ZMYM6: variants seen among roughly 807,000 people sequenced by gnomAD.
The protein encoded by ZMYM6 is zinc finger MYM-type protein 6.
ZMYM6 carries 90 observed loss-of-function variants against 134.0 expected under a neutral mutation model. The ratio of observed to expected loss-of-function variants is 0.67; its 90% CI spans 0.57 to 0.80. ZMYM6 has a LOEUF of 0.80. Ranked by LOEUF, ZMYM6 falls within the 30% of genes least tolerant of loss-of-function variation. The probability of loss-of-function intolerance (pLI) is 0.00; values close to 1 mark genes in which losing one functional copy is unlikely to be tolerated. For synonymous variants in ZMYM6, 481 were observed against 524.1 expected (o/e 0.92, Z 1.12); for missense variants, 1,362 against 1,533.9 (o/e 0.89, Z 1.87).
chr1:35,009,224 G>A (rs937851688), intron 10 of ZMYM6, among the ~76,000 whole-genome samples: 13 of 152,102 alleles, frequency 8.5e-5, no homozygotes, highest in African/African-American at 2.9e-4. Flanking sequence ...TCAGCCTCCT[G>A]AGTAGAGCAG....
Position 35,019,244 on chromosome 1 carries a change from T to G in ZMYM6, c.428+109A>C, listed in dbSNP as rs1016677073. On this transcript the variant is annotated intron_variant, in intron 4 of 15. Transcript: ENST00000357182. ...TTCTTCCATTAACTAAAAAGTTATT[T>G]CTACAGATACATGCTGAAGAGATTT... The G allele has an allele frequency of 2.7e-6, 4 of 1,468,732 alleles. No homozygotes were observed. In the African/African-American group the frequency reaches 5.7e-5, roughly 21 times the overall value. 91.0% of individuals were successfully genotyped at this position (1,468,732 alleles called of 1,614,324 possible).
chr1:34,998,647 G>C (rs984852132), intron 14 of ZMYM6, among the ~76,000 whole-genome samples: 3 of 152,216 alleles, frequency 2.0e-5, no homozygotes, highest in African/African-American at 4.8e-5. Context: ...TCACTGAAGA[G>C]AAGTCTGGAG....
chr1:35,009,820 C>T (rs1010674207), intron 10 of ZMYM6, among the ~76,000 whole-genome samples: 41 of 152,122 alleles, frequency 2.7e-4, no homozygotes, highest in African/African-American at 9.6e-4. Flanking sequence ...CCTGTAGCTT[C>T]AGCTACTTGG....
chr1:35,025,065 T>C (rs973846447), intron 2 of ZMYM6, among the ~76,000 whole-genome samples: 1 of 150,556 alleles, frequency 6.6e-6, no homozygotes. Context: ...GAGTTGTGGT[T>C]TCACCGTGTT....
chr1:34,992,667 T>TATAAAAATATATTTATAAACTATAAAA lies in ZMYM6; in HGVS notation c.1993-281_1993-280insTTTTATAGTTTATAAATATATTTTTAT, dbSNP rs1640699710. 2.1e-5 allele frequency among the ~76,000 whole-genome samples: 3 copies of TATAAAAATATATTTATAAACTATAAAA among 146,080 alleles called. No homozygotes were observed. In the South Asian group the frequency reaches 6.6e-4, roughly 32 times the overall value. On this transcript the variant is annotated intron_variant, in intron 14 of 15. Coordinates refer to ENST00000357182, the MANE Select transcript of ZMYM6 (RefSeq NM_007167.4). Reference sequence around the variant, plus strand: ...TAAAAATATATTTATAAACTATAAATATAAAAATATATTTGTAAATATAAA... The same window carrying TATAAAAATATATTTATAAACTATAAAA: ...TAAAAATATATTTATAAACTATAAATATAAAAATATATTTATAAACTATAAAAATAAAAATATATTTGTAAATATAAA...
At chr1:35,011,493 G>A (rs977519657) in intron 8 of ZMYM6, among the ~76,000 whole-genome samples, 2 of 152,186 alleles carry the variant, frequency 1.3e-5, no homozygotes, top group Non-Finnish European at 2.9e-5. Context: ...TGGGACAAGT[G>A]GATGCTTACA....
chr1:34,992,952 C>G (rs1230273542), intron 14 of ZMYM6, among the ~76,000 whole-genome samples: 1 of 148,734 alleles, frequency 6.7e-6, no homozygotes, highest in African/African-American at 2.4e-5. Context: ...AATTGTTAAT[C>G]TTGCTGATTA....
intron 15 of ZMYM6, 58 bp from the exon 16 acceptor site, chr1:34,988,993 T>G (rs773236281): frequency 9.8e-5 from 153 of 1,563,734 alleles, no homozygotes; most frequent in Middle Eastern, 9.2e-4. Context: ...ATGTTCTTTA[T>G]GTATCTCCCC....
rs145649713 is a variant in ZMYM6 at position 35,003,105 on chromosome 1, C to T, written c.1992+863G>A. On this transcript the variant is annotated intron_variant, in intron 14 of 15. Transcript: ENST00000357182. Reference sequence around the variant, plus strand: ...AGCTGAGGTAGGGGACTGCTTGAGCCCAGAATTTCGAGGTTGAGTGAGCTA... The same window carrying T: ...AGCTGAGGTAGGGGACTGCTTGAGCTCAGAATTTCGAGGTTGAGTGAGCTA... Among the ~76,000 whole-genome samples the T allele has an allele frequency of 3.1e-3, 464 of 150,906 alleles. 4 individuals carry two copies. Among genetic ancestry groups the T allele is most frequent in the African/African-American group, 0.011 (433 of 41,020 alleles).
intron 4 of ZMYM6, chr1:35,017,711 G>A (rs1259547268): frequency 6.6e-6 from 1 of 151,814 alleles, no homozygotes; most frequent in East Asian, 1.9e-4. Flanking sequence ...AATTTAATTA[G>A]CTAATATATT....
intron 11 of ZMYM6, among the ~76,000 whole-genome samples, chr1:35,008,129 T>G (rs990312785): frequency 6.6e-6 from 1 of 152,188 alleles, no homozygotes; most frequent in Admixed American, 6.5e-5. Flanking sequence ...CAGAGTGTTA[T>G]AGATGCTGTC....
chr1:34,994,478 C>T (rs1483392901), intron 14 of ZMYM6, among the ~76,000 whole-genome samples: 4 of 152,002 alleles, frequency 2.6e-5, no homozygotes, highest in African/African-American at 9.7e-5. Context: ...GCTTTAGGAA[C>T]ATCAACAAGA....
Position 35,023,387 on chromosome 1 carries a change from G to A in ZMYM6, c.94-2920C>T, listed in dbSNP as rs145891287. ...CTCCCAGAGTGCTGGGAGTACAGGC[G>A]TGAGCCACTGCACCTGGCCAAAATG... On this transcript the variant is annotated intron_variant, in intron 2 of 15. Transcript: ENST00000357182. Among the ~76,000 whole-genome samples the A allele has an allele frequency of 3.5e-3, 536 of 152,164 alleles. 6 individuals carry two copies. Among genetic ancestry groups the A allele is most frequent in the African/African-American group, 0.012 (484 of 41,510 alleles).
chr1:35,010,817 G>T lies in ZMYM6; in HGVS notation c.1282C>A (p.Leu428Ile), dbSNP rs754684397. 1 of 1,604,804 alleles carries T rather than the reference G, an allele frequency of 6.2e-7. No individual in the cohort carries two copies. Among genetic ancestry groups the T allele is most frequent in the Non-Finnish European group, 8.5e-7 (1 of 1,177,068 alleles). The stretch of plus-strand genomic sequence containing the variant: ...AGATGGTTACAGTGCTGACACTTGA[G>T]TTTAACAACTGTATGGGTTAAAGCA... ...QVALTHTVVK[L>I]KCQHCNHLFA... Residue 428 changes from leucine (L) to isoleucine (I), a missense_variant, in exon 9 of 16, where the codon CTC becomes ATC. Physicochemically the swap from Leu to Ile is conservative, Grantham distance 5. Transcript: ENST00000357182.
chr1:35,008,769 T>C lies in ZMYM6; in HGVS notation c.1648A>G (p.Thr550Ala). Residue 550 changes from threonine to alanine, a missense_variant, in exon 11 of 16, where the codon ACA becomes GCA. Physicochemically the swap from Thr to Ala is moderately conservative, Grantham distance 58. This residue lies in a region of ZMYM6 where 824 missense variants were observed against 940.9 expected (regional missense o/e 0.88). Coordinates refer to ENST00000357182, the MANE Select transcript of ZMYM6 (RefSeq NM_007167.4). ...FCCEDCMSKF[T>A]VLFYQMAKCD... ...ACATTTACCTGATAAAACAGAACTG[T>C]AAATTTGGACATACAATCTTCACAA... The C allele has an allele frequency of 6.2e-7, 1 of 1,613,834 alleles. No homozygotes were observed. The highest frequency in any genetic ancestry group is 1.3e-5 in the African/African-American group (1 of 75,064).
chr1:35,001,721 A>C (rs891865790), intron 14 of ZMYM6, among the ~76,000 whole-genome samples: 5 of 152,346 alleles, frequency 3.3e-5, no homozygotes, highest in African/African-American at 1.2e-4. Context: ...TACCAAGTTA[A>C]CTTAATGACA....
At chr1:35,009,549 T>C (rs558989749) in intron 10 of ZMYM6, among the ~76,000 whole-genome samples, 6 of 152,260 alleles carry the variant, frequency 3.9e-5, no homozygotes, top group Non-Finnish European at 7.3e-5. Context: ...TCTGATGTCA[T>C]AGCTAAACTT....
chr1:35,007,224 T>TAAGAA, intron 11 of ZMYM6, 126 bp from the exon 12 acceptor site: 7 of 868,792 alleles, frequency 8.1e-6, no homozygotes, highest in African/African-American at 1.8e-5. Flanking sequence ...AAATGTAAGG[T>TAAGAA]TCTTACCTTA....
Position 34,987,027 on chromosome 1 carries a change from G to A in ZMYM6, c.*77C>T. On this transcript the variant is annotated 3_prime_UTR_variant, in exon 16 of 16. Transcript: ENST00000357182. ...TCACTGAAAACACAAATCCACATTA[G>A]GAAATTATCTTTTAGGATACTTATA... The A allele has an allele frequency of 3.7e-6, 4 of 1,072,216 alleles. No homozygotes were observed. Among genetic ancestry groups the A allele is most frequent in the Non-Finnish European group, 1.3e-6 (1 of 796,440 alleles). The allele number at this position is 1,072,216 out of a possible 1,614,324, so 66.4% of individuals were successfully genotyped here. A position where few individuals can be genotyped will look rare whatever the true frequency, so the allele number is the denominator to read the frequency against.
Sources: allele counts gnomAD v4.1 joint callset (sites outside exome capture counted in the v4.1 genomes callset), GRCh38; gene constraint gnomAD v4.1.1; regional missense constraint gnomAD v4.1.1; transcripts MANE v1.5; gene names NCBI Gene and HGNC (gene_info 2026-07-23, HGNC 2026-07-21).